The following RASGEF1C variants were observed in gnomAD, a reference collection of about 807,000 sequenced individuals.
The protein encoded by RASGEF1C is RasGEF domain family member 1C.
Under a neutral mutation model 58.1 loss-of-function variants are expected in RASGEF1C, and 27 were observed. The observed-to-expected ratio is 0.46, with a 90% CI of 0.34 to 0.64. The LOEUF (loss-of-function observed/expected upper bound fraction) is 0.64. RASGEF1C is among the 30% of genes least tolerant of loss of function. RASGEF1C has a pLI of 0.01. For missense variants in RASGEF1C, 502 were observed against 605.1 expected, an observed-to-expected ratio of 0.83 and a Z score of 1.79; for synonymous variants, 243 against 246.3, an observed-to-expected ratio of 0.99 and a Z score of 0.13.
At chr5:180,203,393 C>T (rs990903807) in intron 1 of RASGEF1C, among the ~76,000 whole-genome samples, 13 of 152,202 alleles carry the variant, frequency 8.5e-5, no homozygotes, top group Admixed American at 6.5e-4. Flanking sequence ...TGGGTAGTCC[C>T]GAGGAACTGG....
At position 180,101,196 on chromosome 5, in the gene RASGEF1C, T is replaced by G; in HGVS notation, c.*305A>C. The G allele has an allele frequency of 4.5e-6, 2 of 442,582 alleles. No homozygotes were observed. Among genetic ancestry groups the G allele is most frequent in the Non-Finnish European group, 8.2e-6 (2 of 244,342 alleles). 27.4% of individuals were successfully genotyped at this position (442,582 alleles called of 1,614,324 possible). ...GCAGTGGTCCCACCCTCTGGGGCAG[T>G]GTTGTGTCCTTGCCGAGGATGGACA... On this transcript the variant is annotated 3_prime_UTR_variant, in exon 14 of 14. Coordinates refer to ENST00000361132, the MANE Select transcript of RASGEF1C (RefSeq NM_175062.4).
intron 1 of RASGEF1C, among the ~76,000 whole-genome samples, chr5:180,189,552 GT>G (rs1327208254): frequency 6.6e-6 from 1 of 152,178 alleles, no homozygotes. Context: ...TAGAAATAGA[GT>G]CACAAATATA....
At chr5:180,173,879 C>G (rs542021887) in intron 1 of RASGEF1C, among the ~76,000 whole-genome samples, 152 of 150,538 alleles carry the variant, frequency 1.0e-3, no homozygotes, top group African/African-American at 3.4e-3. Flanking sequence ...TGCCACTGCA[C>G]TCCAGCCTGG....
At chr5:180,120,354 G>A (rs909548508) in intron 7 of RASGEF1C, among the ~76,000 whole-genome samples, 5 of 152,186 alleles carry the variant, frequency 3.3e-5, no homozygotes, top group South Asian at 2.1e-4. Context: ...GCATGGGGCC[G>A]CCTCCTCTCT....
chr5:180,103,233 A>G (rs948625625), intron 12 of RASGEF1C, among the ~76,000 whole-genome samples: 9 of 152,048 alleles, frequency 5.9e-5, no homozygotes, highest in African/African-American at 1.7e-4. Context: ...ACCCACCACC[A>G]CGCCCGGCTA....
At chr5:180,193,795 T>C (rs56654465) in intron 1 of RASGEF1C, among the ~76,000 whole-genome samples, 8 of 152,058 alleles carry the variant, frequency 5.3e-5, no homozygotes, top group Non-Finnish European at 1.0e-4. Flanking sequence ...CAAGAAATTA[T>C]TATTAATTTT....
chr5:180,107,995 T>C (rs1275487927), intron 12 of RASGEF1C, among the ~76,000 whole-genome samples: 2 of 152,212 alleles, frequency 1.3e-5, no homozygotes, highest in Non-Finnish European at 2.9e-5. Context: ...TTCTTTAGTT[T>C]TTCCTTTTGG....
chr5:180,135,182 G>T, intron 4 of RASGEF1C: 1 of 152,438 alleles, frequency 6.6e-6, no homozygotes, highest in Non-Finnish European at 1.5e-5. Context: ...GAGGAGGGGA[G>T]AAGTGTGGGG....
intron 1 of RASGEF1C, among the ~76,000 whole-genome samples, chr5:180,192,811 C>T (rs544751061): frequency 6.6e-6 from 1 of 151,250 alleles, no homozygotes; most frequent in Non-Finnish European, 1.5e-5. Context: ...GTGTCGCAAT[C>T]TCGGCTCACT....
At chr5:180,130,555 T>C (rs1025959323) in intron 4 of RASGEF1C, among the ~76,000 whole-genome samples, 23 of 152,300 alleles carry the variant, frequency 1.5e-4, no homozygotes, top group African/African-American at 5.5e-4. Flanking sequence ...CCTGAATCAC[T>C]TCACCTGGCT....
chr5:180,199,514 A>C (rs916939170), intron 1 of RASGEF1C, among the ~76,000 whole-genome samples: 1 of 152,140 alleles, frequency 6.6e-6, no homozygotes, highest in Non-Finnish European at 1.5e-5. Context: ...AAGGGTCTGC[A>C]CTCCGTCCCA....
At chr5:180,161,530 C>G (rs1454469196) in intron 1 of RASGEF1C, among the ~76,000 whole-genome samples, 4 of 152,238 alleles carry the variant, frequency 2.6e-5, no homozygotes, top group Admixed American at 2.6e-4. Flanking sequence ...GAGGACCTGA[C>G]GCGAGCTCTG....
At chr5:180,175,990 A>G (rs914384626) in intron 1 of RASGEF1C, among the ~76,000 whole-genome samples, 1 of 152,238 alleles carries the variant, frequency 6.6e-6, no homozygotes, top group Non-Finnish European at 1.5e-5. Context: ...TCCGTCTCGA[A>G]GAAAAAAGAA....
Position 180,124,778 on chromosome 5 carries a change from C to T in RASGEF1C, c.714+2831G>A, listed in dbSNP as rs529548634. Among the ~76,000 whole-genome samples the T allele has an allele frequency of 3.3e-5, 5 of 151,912 alleles. No individual in the cohort carries two copies. The South Asian group carries it at 6.2e-4, about 19-fold the overall frequency. On this transcript the variant is annotated intron_variant, in intron 6 of 13. Coordinates refer to ENST00000361132, the MANE Select transcript of RASGEF1C (RefSeq NM_175062.4). The stretch of plus-strand genomic sequence containing the variant: ...GGCGGACGTTGTAGTGAGCGAAGAT[C>T]GTGCTATTGCACTCCAGCCTGGGCA...
chr5:180,144,006 G>A (rs1041172613), intron 1 of RASGEF1C, among the ~76,000 whole-genome samples: 8 of 152,178 alleles, frequency 5.3e-5, no homozygotes, highest in African/African-American at 1.9e-4. Context: ...ACACCTGTGA[G>A]CTCTGAGAAG....
In RASGEF1C at chr5:180,190,467, G is replaced by A. The variant is rs1451117022; in HGVS notation, c.-7+18561C>T. ...ATCGCGCCACTGCACTCCAGACTGG[G>A]TGACAGAGTGAGACTCCGTCTCAAA... On this transcript the variant is annotated intron_variant, in intron 1 of 13. Transcript: ENST00000361132. Among the ~76,000 whole-genome samples, 4 of 129,200 alleles carry A rather than the reference G, an allele frequency of 3.1e-5. 1 individual carries two copies. The highest frequency in any genetic ancestry group is 6.6e-5 in the Non-Finnish European group (4 of 60,880). The allele number at this position is 129,200 out of a possible 152,430, so 84.8% of individuals were successfully genotyped here.
chr5:180,208,375 G>A (rs1223525011), intron 1 of RASGEF1C, among the ~76,000 whole-genome samples: 2 of 152,072 alleles, frequency 1.3e-5, no homozygotes, highest in Non-Finnish European at 2.9e-5. Flanking sequence ...AGCATGGGGC[G>A]GCGTCGCCAG....
At chr5:180,195,533 GGTGC>G (rs1371601682) in intron 1 of RASGEF1C, among the ~76,000 whole-genome samples, 1 of 152,158 alleles carries the variant, frequency 6.6e-6, no homozygotes, top group Non-Finnish European at 1.5e-5. Flanking sequence ...GGCCGAGGCG[GGTGC>G]ATCACGAGGT....
chr5:180,119,208 C>T (rs1178015425), intron 8 of RASGEF1C, 138 bp downstream of exon 8: 4 of 751,760 alleles, frequency 5.3e-6, no homozygotes, highest in African/African-American at 3.4e-5. Flanking sequence ...GCTGCCCAGG[C>T]CTTCAGAGAG....
Sources: allele counts gnomAD v4.1 joint callset (sites outside exome capture counted in the v4.1 genomes callset), GRCh38; gene constraint gnomAD v4.1.1; transcripts MANE v1.5; gene names NCBI Gene and HGNC (gene_info 2026-07-23, HGNC 2026-07-21).